Variants in DZANK1 observed in about 807,000 individuals in gnomAD.
DZANK1 encodes double zinc ribbon and ankyrin repeat-containing protein 1.
Under a neutral mutation model 94.5 loss-of-function variants are expected in DZANK1, and 91 were observed. The ratio of observed to expected loss-of-function variants is 0.96; its 90% CI spans 0.81 to 1.15. The LOEUF is 1.15. DZANK1 is among the 50% of genes most tolerant of loss of function. The pLI is 0.00. For synonymous variants in DZANK1, 312 were observed against 325.3 expected, an observed-to-expected ratio of 0.96 and a Z score of 0.44; for missense variants, 903 against 916.4, an observed-to-expected ratio of 0.99 and a Z score of 0.19.
At chr20:18,434,390 C>T (rs932644273) in intron 8 of DZANK1, among the ~76,000 whole-genome samples, 1 of 151,562 alleles carries the variant, frequency 6.6e-6, no homozygotes, top group African/African-American at 2.4e-5. Flanking sequence ...ACTAAAAATA[C>T]AAAAATTAGC....
At chr20:18,417,775 A>G (rs1261024026) in intron 10 of DZANK1, among the ~76,000 whole-genome samples, 1 of 152,124 alleles carries the variant, frequency 6.6e-6, no homozygotes, top group Non-Finnish European at 1.5e-5. Flanking sequence ...CTCCCACACA[A>G]AAAACAACTA....
At chr20:18,446,248 AAGAAG>A (rs2058877349) in intron 7 of DZANK1, among the ~76,000 whole-genome samples, 1 of 152,038 alleles carries the variant, frequency 6.6e-6, no homozygotes, top group African/African-American at 2.4e-5. Flanking sequence ...CTAAGAAAGA[AAGAAG>A]AAAGGACGAA....
chr20:18,385,607 G>A (rs778920116), intron 19 of DZANK1, among the ~76,000 whole-genome samples: 1 of 151,982 alleles, frequency 6.6e-6, no homozygotes, highest in Non-Finnish European at 1.5e-5. Flanking sequence ...TAATAGAGAC[G>A]GGGTTTCACT....
intron 8 of DZANK1, among the ~76,000 whole-genome samples, chr20:18,438,604 G>A (rs529252843): frequency 1.3e-5 from 2 of 152,200 alleles, no homozygotes; most frequent in Non-Finnish European, 2.9e-5. Flanking sequence ...GACATTTGGG[G>A]ATGATAAGAA....
chr20:18,450,220 A>G (rs947556455), intron 6 of DZANK1, among the ~76,000 whole-genome samples: 1 of 152,170 alleles, frequency 6.6e-6, no homozygotes, highest in Non-Finnish European at 1.5e-5. Context: ...GGCAATAGAG[A>G]GCAGTCAGAG....
rs569003497 is a variant in DZANK1, at chr20:18,426,979, A to G, written c.954+88T>C. ...AAGCTTTTTTTGGTCTCTCTCCCCAACCCCCTCGGCAGATTCTGTTTCTCT... is the reference window on the plus strand; with the variant it reads ...AAGCTTTTTTTGGTCTCTCTCCCCAGCCCCCTCGGCAGATTCTGTTTCTCT... On this transcript the variant is annotated intron_variant, in intron 10 of 20. Coordinates refer to ENST00000262547, the Ensembl canonical transcript of DZANK1. 15 of 969,034 alleles carry G rather than the reference A, an allele frequency of 1.5e-5. No homozygotes were observed. In the South Asian group the frequency reaches 2.6e-4, roughly 17 times the overall value. 60.0% of individuals were successfully genotyped at this position (969,034 alleles called of 1,614,324 possible). A position where few individuals can be genotyped will look rare whatever the true frequency, so the allele number is the denominator to read the frequency against.
intron 6 of DZANK1, among the ~76,000 whole-genome samples, chr20:18,449,305 C>T (rs1228456139): frequency 6.6e-6 from 1 of 151,894 alleles, no homozygotes; most frequent in East Asian, 1.9e-4. Flanking sequence ...CCCTAGAAGC[C>T]CAAACCTCAC....
At chr20:18,454,079 C>G (rs2059201130) in intron 4 of DZANK1, 1 of 560,484 alleles carries the variant, frequency 1.8e-6, no homozygotes, top group African/African-American at 1.8e-5. Flanking sequence ...CAGGGAGCAG[C>G]ACATGCAGGC....
chr20:18,415,377 C>T, exon 11 of DZANK1: 1 of 1,595,630 alleles, frequency 6.3e-7, no homozygotes, highest in Non-Finnish European at 8.5e-7. Flanking sequence ...TTCCAGCGAC[C>T]ACATCTGTAG....
In DZANK1 at chr20:18,443,329, AAG is replaced by A. The variant is rs1211202959; in HGVS notation, c.747+16_747+17del. 4.8e-6 allele frequency: 7 copies of A among 1,472,710 alleles called. No homozygotes were observed. In the Admixed American group the frequency reaches 1.4e-4, roughly 29 times the overall value. The allele number at this position is 1,472,710 out of a possible 1,614,324, so 91.2% of individuals were successfully genotyped here. A position where few individuals can be genotyped will look rare whatever the true frequency, so the allele number is the denominator to read the frequency against. The stretch of plus-strand genomic sequence containing the variant: ...AGATCAACCAATGAAAGATGTTTTT[AAG>A]AATTCTGCTGCTCACCTGAGCTCCT... On this transcript the variant is annotated intron_variant, in intron 8 of 20. Transcript: ENST00000262547.
intron 7 of DZANK1, 36 bp downstream of exon 7, chr20:18,448,948 G>C (rs2058991159): frequency 2.0e-6 from 3 of 1,526,304 alleles, no homozygotes; most frequent in Non-Finnish European, 2.7e-6. Flanking sequence ...TATCTTTGTA[G>C]GATTTAAGGC....
At chr20:18,452,414 T>C (rs1019141710) in intron 6 of DZANK1, among the ~76,000 whole-genome samples, 10 of 152,204 alleles carry the variant, frequency 6.6e-5, no homozygotes, top group African/African-American at 2.2e-4. Context: ...TTACTTAAAA[T>C]TATGTGTCTG....
intron 10 of DZANK1, among the ~76,000 whole-genome samples, chr20:18,421,841 T>C (rs1568944810): frequency 6.6e-6 from 1 of 152,176 alleles, no homozygotes; most frequent in Non-Finnish European, 1.5e-5. Flanking sequence ...CAGTTTGCCC[T>C]ACCATGCAGC....
intron 19 of DZANK1, among the ~76,000 whole-genome samples, chr20:18,389,339 G>T (rs973867593): frequency 6.6e-6 from 1 of 152,110 alleles, no homozygotes; most frequent in African/African-American, 2.4e-5. Context: ...TTTTCATGGG[G>T]AATACACTAA....
intron 10 of DZANK1, chr20:18,420,656 T>G (rs975842184): frequency 5.1e-6 from 1 of 195,062 alleles, no homozygotes; most frequent in Non-Finnish European, 1.1e-5. Flanking sequence ...ATGTGTCAGC[T>G]TTCCATTAAT....
intron 10 of DZANK1, among the ~76,000 whole-genome samples, chr20:18,419,432 A>G (rs1279629774): frequency 6.6e-6 from 1 of 152,194 alleles, no homozygotes; most frequent in Non-Finnish European, 1.5e-5. Flanking sequence ...AGAAATTTAC[A>G]GCGACAAGAT....
At chr20:18,415,218 G>A (rs1322815991) in intron 11 of DZANK1, 109 bp downstream of exon 11, 4 of 1,174,948 alleles carry the variant, frequency 3.4e-6, no homozygotes, top group African/African-American at 3.1e-5. Flanking sequence ...GGTACCAGTA[G>A]CGAAATCACA....
At chr20:18,435,504 C>A (rs1011784586) in intron 8 of DZANK1, among the ~76,000 whole-genome samples, 2 of 152,082 alleles carry the variant, frequency 1.3e-5, no homozygotes, top group Non-Finnish European at 2.9e-5. Context: ...AACAGAAAAC[C>A]AAACACTGCA....
At chr20:18,399,179 G>A (rs550845592) in intron 13 of DZANK1, among the ~76,000 whole-genome samples, 2 of 151,874 alleles carry the variant, frequency 1.3e-5, no homozygotes, top group East Asian at 1.9e-4. Context: ...CACACATGGG[G>A]TCTTTTCTTT....
Sources: allele counts gnomAD v4.1 joint callset (sites outside exome capture counted in the v4.1 genomes callset), GRCh38; gene constraint gnomAD v4.1.1; transcripts MANE v1.5; gene names NCBI Gene and HGNC (gene_info 2026-07-23, HGNC 2026-07-21).